UNC79: variants seen among roughly 807,000 people sequenced by gnomAD.
UNC79 encodes unc-79 subunit of NALCN channel complex.
Under a neutral mutation model 283.1 loss-of-function variants are expected in UNC79, and 37 were observed. The observed-to-expected ratio is 0.13, with a 90% CI of 0.10 to 0.17. The LOEUF is 0.17. Among genes scored for constraint, UNC79 ranks in the 10% least tolerant of loss-of-function variants. The probability of loss-of-function intolerance (pLI) is 1.00; values close to 1 mark genes in which losing one functional copy is unlikely to be tolerated. For missense variants in UNC79, 2,272 were observed against 3,211.1 expected (o/e 0.71, Z 7.07); for synonymous variants, 1,107 against 1,200.2 (o/e 0.92, Z 1.61).
At chr14:93,333,498 T>C (rs370806422) in exon 1 of UNC79, 1 of 398,562 alleles carries the variant, frequency 2.5e-6, no homozygotes, top group Non-Finnish European at 4.4e-6. Flanking sequence ...CGGTGGCTGC[T>C]TCTTGGCAGT....
intron 17 of UNC79, among the ~76,000 whole-genome samples, chr14:93,577,116 C>A (rs2063519762): frequency 6.6e-6 from 1 of 152,120 alleles, no homozygotes; most frequent in Non-Finnish European, 1.5e-5. Flanking sequence ...GGGAGGATTG[C>A]TTGAGAGTGA....
intron 8 of UNC79, among the ~76,000 whole-genome samples, chr14:93,527,161 C>T (rs573139518): frequency 6.6e-6 from 1 of 152,318 alleles, no homozygotes; most frequent in South Asian, 2.1e-4. Context: ...TACTTGAAGT[C>T]CACTTTATGA....
chr14:93,649,967 G>A (rs186074130), intron 35 of UNC79, among the ~76,000 whole-genome samples: 84 of 152,224 alleles, frequency 5.5e-4, no homozygotes, highest in African/African-American at 1.6e-3. Flanking sequence ...TCTCGTGCAC[G>A]TTTCCAGCTA....
At chr14:93,582,312 C>T (rs2063877580) in exon 20 of UNC79, 7 of 1,614,006 alleles carry the variant, frequency 4.3e-6, no homozygotes, top group Non-Finnish European at 5.9e-6. Flanking sequence ...GGGGAGAACC[C>T]AGGCAACTGC....
chr14:93,699,083 A>G (rs552315956), intron 47 of UNC79, among the ~76,000 whole-genome samples: 15 of 152,242 alleles, frequency 9.9e-5, no homozygotes, highest in African/African-American at 3.1e-4. Context: ...TTTAAACTGC[A>G]TTTCTTATAA....
intron 1 of UNC79, among the ~76,000 whole-genome samples, chr14:93,349,644 C>T (rs564227157): frequency 2.0e-5 from 3 of 152,178 alleles, no homozygotes; most frequent in Non-Finnish European, 4.4e-5. Flanking sequence ...TGGTTTGTTA[C>T]ATCCACAGGC....
exon 30 of UNC79, chr14:93,622,243 C>T (rs1355398636): frequency 1.2e-6 from 2 of 1,613,896 alleles, no homozygotes; most frequent in African/African-American, 2.7e-5. Flanking sequence ...CTCCCTCCGT[C>T]CCCAGCCATC....
chr14:93,398,380 T>C (rs2055040077), intron 1 of UNC79, among the ~76,000 whole-genome samples: 1 of 152,042 alleles, frequency 6.6e-6, no homozygotes, highest in Non-Finnish European at 1.5e-5. Context: ...AGAAACAAGT[T>C]TGGAGCTTTG....
chr14:93,587,153 A>T (rs1401179294), intron 22 of UNC79, among the ~76,000 whole-genome samples: 1 of 152,216 alleles, frequency 6.6e-6, no homozygotes, highest in East Asian at 1.9e-4. Flanking sequence ...AAATTATTGT[A>T]TGCCTTTCAC....
Position 93,586,714 on chromosome 14 carries a change from C to T in UNC79, c.2883+39C>T, listed in dbSNP as rs959492339. 19 of 1,612,980 alleles carry T rather than the reference C, an allele frequency of 1.2e-5. No individual in the cohort carries two copies. In the Admixed American group the frequency reaches 3.0e-4, roughly 26 times the overall value. ...TGTCTTTGAATACTTGGCTTGGTAGCATTACTGTTTTGGATAACTTAGTAA... is the reference window on the plus strand; with the variant it reads ...TGTCTTTGAATACTTGGCTTGGTAGTATTACTGTTTTGGATAACTTAGTAA... On this transcript the variant is annotated intron_variant, in intron 21 of 48. Transcript: ENST00000555664.
At chr14:93,654,515 G>A (rs184424064) in intron 37 of UNC79, among the ~76,000 whole-genome samples, 10 of 151,274 alleles carry the variant, frequency 6.6e-5, no homozygotes, top group Admixed American at 3.9e-4. Context: ...CACTCGCAAC[G>A]GAGCGAGACC....
chr14:93,529,047 G>T (rs984408012), intron 9 of UNC79, among the ~76,000 whole-genome samples: 5 of 152,150 alleles, frequency 3.3e-5, no homozygotes, highest in South Asian at 2.1e-4. Context: ...CAGTATTTTG[G>T]TTGGCTTAAT....
intron 18 of UNC79, among the ~76,000 whole-genome samples, chr14:93,579,256 C>T (rs2063645854): frequency 6.6e-6 from 1 of 152,220 alleles, no homozygotes; most frequent in African/African-American, 2.4e-5. Flanking sequence ...AAATCTGCCA[C>T]ATTTTTCTGT....
rs138248982 is a variant in UNC79 at position 93,644,765 on chromosome 14, A to T, written c.6044+1068A>T. ...AAAAAATGTTGACTTCAAGTTGAAG[A>T]CAAATAGGAAAGCATTATAAACTCC... On this transcript the variant is annotated intron_variant, in intron 34 of 48. Transcript: ENST00000555664. 5.2e-3 allele frequency among the ~76,000 whole-genome samples: 798 copies of T among 152,326 alleles called. 8 individuals are homozygous for T. Among genetic ancestry groups the T allele is most frequent in the African/African-American group, 0.017 (712 of 41,556 alleles).
intron 8 of UNC79, among the ~76,000 whole-genome samples, chr14:93,526,489 T>G (rs1474278776): frequency 6.6e-6 from 1 of 152,212 alleles, no homozygotes; most frequent in East Asian, 1.9e-4. Flanking sequence ...ATCAGAGTGT[T>G]ACTATGGATT....
chr14:93,681,964 G>A (rs2073879376), intron 41 of UNC79, among the ~76,000 whole-genome samples: 2 of 152,208 alleles, frequency 1.3e-5, no homozygotes, highest in African/African-American at 2.4e-5. Flanking sequence ...AGCTAGTGCT[G>A]GGGATGAGGT....
intron 35 of UNC79, among the ~76,000 whole-genome samples, chr14:93,650,571 A>G (rs2070140415): frequency 6.6e-6 from 1 of 152,124 alleles, no homozygotes; most frequent in Non-Finnish European, 1.5e-5. Flanking sequence ...TCAAGTGCTC[A>G]TTGACCCATT....
intron 4 of UNC79, among the ~76,000 whole-genome samples, chr14:93,481,704 G>A (rs2058152350): frequency 6.6e-6 from 1 of 151,774 alleles, no homozygotes; most frequent in Admixed American, 6.6e-5. Flanking sequence ...TACTACAGAG[G>A]GTGCATGTTA....
intron 1 of UNC79, among the ~76,000 whole-genome samples, chr14:93,367,805 A>G (rs917924666): frequency 6.6e-6 from 1 of 152,152 alleles, no homozygotes; most frequent in African/African-American, 2.4e-5. Flanking sequence ...TACTCTCTTC[A>G]TCTCTGACTT....
Sources: allele counts gnomAD v4.1 joint callset (sites outside exome capture counted in the v4.1 genomes callset), GRCh38; gene constraint gnomAD v4.1.1; transcripts MANE v1.5; gene names NCBI Gene and HGNC (gene_info 2026-07-23, HGNC 2026-07-21).